Variants in FER observed in about 807,000 individuals in gnomAD.
FER encodes the protein tyrosine-protein kinase Fer.
FER carries 63 observed loss-of-function variants against 111.0 expected under a neutral mutation model. The ratio of observed to expected loss-of-function variants is 0.57; its 90% CI spans 0.46 to 0.70. FER has a LOEUF of 0.70. Ranked by LOEUF, FER falls within the 30% of genes least tolerant of loss-of-function variation. The pLI is 0.00. For synonymous variants in FER, 327 were observed against 313.9 expected (o/e 1.04, Z -0.44); for missense variants, 914 against 954.0 (o/e 0.96, Z 0.55).
At chr5:109,058,111 A>G (rs939501969) in intron 16 of FER, among the ~76,000 whole-genome samples, 2 of 152,202 alleles carry the variant, frequency 1.3e-5, no homozygotes, top group South Asian at 4.1e-4. Context: ...AAATTATATG[A>G]TTATTTAAAT....
At chr5:108,972,478 G>C (rs1760791317) in intron 13 of FER, among the ~76,000 whole-genome samples, 4 of 152,074 alleles carry the variant, frequency 2.6e-5, no homozygotes, top group Admixed American at 6.6e-5. Context: ...TACTCATAAA[G>C]CATCTCATAA....
chr5:109,097,330 T>C (rs1291688990), intron 16 of FER, among the ~76,000 whole-genome samples: 2 of 151,932 alleles, frequency 1.3e-5, no homozygotes, highest in Non-Finnish European at 2.9e-5. Flanking sequence ...AAATAACCTA[T>C]CCCATTTTGG....
At chr5:108,906,511 C>T (rs1000008741) in intron 10 of FER, among the ~76,000 whole-genome samples, 3 of 146,856 alleles carry the variant, frequency 2.0e-5, no homozygotes, top group Admixed American at 1.3e-4. Context: ...TTATAATAGC[C>T]CTTTTATGAC....
chr5:108,771,852 A>G (rs1351106796), intron 2 of FER, among the ~76,000 whole-genome samples: 1 of 152,238 alleles, frequency 6.6e-6, no homozygotes, highest in African/African-American at 2.4e-5. Context: ...TCACAGTACC[A>G]ATATCATATA....
chr5:109,066,860 A>G (rs769823430), intron 16 of FER, among the ~76,000 whole-genome samples: 5 of 152,250 alleles, frequency 3.3e-5, no homozygotes, highest in East Asian at 1.9e-4. Flanking sequence ...TATGTTTAAC[A>G]ATAATCACAA....
At chr5:108,981,851 T>C (rs781526322) in intron 13 of FER, among the ~76,000 whole-genome samples, 4 of 152,126 alleles carry the variant, frequency 2.6e-5, no homozygotes, top group Non-Finnish European at 5.9e-5. Flanking sequence ...CATTATGCCA[T>C]GCTGCCTCTC....
chr5:108,897,558 C>A, intron 9 of FER, 101 bp from the exon 10 acceptor site: 1 of 859,042 alleles, frequency 1.2e-6, no homozygotes, highest in Non-Finnish European at 1.6e-6. Flanking sequence ...CTAAAGGGCT[C>A]TTATAAAAAT....
At position 108,798,283 on chromosome 5, in the gene FER, T is replaced by G. The variant is rs1474534788; in HGVS notation, c.101T>G (p.Leu34Arg). 6.2e-7 allele frequency: 1 copy of G among 1,613,850 alleles called. No homozygotes were observed. Among genetic ancestry groups the G allele is most frequent in the African/African-American group, 1.3e-5 (1 of 74,898 alleles). The change falls in exon 3 of 20, where the codon CTG becomes CGG. Residue 34 changes from leucine (L) to arginine (R), a missense_variant. Leu to Arg is a moderately radical substitution (Grantham distance 102). This residue lies in a region of FER where 774 missense variants were observed against 782.6 expected (regional missense o/e 0.99). Coordinates refer to ENST00000281092, the MANE Select transcript of FER (RefSeq NM_005246.4). ...GAAACAGTAAAGAAATTTATGGCCCTGAGAATAAAAAGTGATAAAGAATAT... is the reference window on the plus strand; with the variant it reads ...GAAACAGTAAAGAAATTTATGGCCCGGAGAATAAAAAGTGATAAAGAATAT... The part of the protein sequence containing the change: ...LLETVKKFMA[L>R]RIKSDKEYAS...
At chr5:108,987,794 T>A (rs1449808937) in intron 13 of FER, among the ~76,000 whole-genome samples, 1 of 151,972 alleles carries the variant, frequency 6.6e-6, no homozygotes, top group Non-Finnish European at 1.5e-5. Context: ...TTTTTTTCTC[T>A]TGTCTGATTG....
At chr5:109,104,410 C>T (rs1748629682) in intron 17 of FER, among the ~76,000 whole-genome samples, 1 of 152,154 alleles carries the variant, frequency 6.6e-6, no homozygotes, top group African/African-American at 2.4e-5. Context: ...GTGATAAAAT[C>T]TACAGAATTC....
chr5:108,863,160 C>T (rs1046480574), intron 5 of FER, among the ~76,000 whole-genome samples: 3 of 152,032 alleles, frequency 2.0e-5, no homozygotes, highest in African/African-American at 7.2e-5. Context: ...AGCTCTGTTG[C>T]CCAGGCTGGA....
At chr5:109,170,021 A>C (rs756201022) in intron 17 of FER, among the ~76,000 whole-genome samples, 3 of 152,148 alleles carry the variant, frequency 2.0e-5, no homozygotes, top group Non-Finnish European at 2.9e-5. Context: ...AGACTATAAA[A>C]ATTTAAATGT....
intron 4 of FER, among the ~76,000 whole-genome samples, chr5:108,834,216 G>A (rs1358639869): frequency 2.0e-5 from 3 of 151,982 alleles, no homozygotes; most frequent in African/African-American, 7.3e-5. Flanking sequence ...AATTTTTTCT[G>A]TAAATTGGAA....
intron 2 of FER, among the ~76,000 whole-genome samples, chr5:108,776,336 CA>C (rs1423229934): frequency 6.6e-6 from 1 of 152,018 alleles, no homozygotes; most frequent in Admixed American, 6.6e-5. Context: ...TGAATATTTT[CA>C]ACCATAAAAC....
chr5:108,882,597 G>A (rs537400642), intron 8 of FER, among the ~76,000 whole-genome samples: 2 of 151,708 alleles, frequency 1.3e-5, no homozygotes, highest in Admixed American at 6.6e-5. Context: ...TGCGCTGCAG[G>A]TATTTCTTCA....
intron 17 of FER, among the ~76,000 whole-genome samples, chr5:109,134,287 G>A (rs1333301617): frequency 6.6e-6 from 1 of 151,924 alleles, no homozygotes; most frequent in Non-Finnish European, 1.5e-5. Flanking sequence ...CACAGAACAG[G>A]AAATATCCCA....
In FER at chr5:109,099,546, T is replaced by A. The variant is rs150370493; in HGVS notation, c.1925-850T>A. Among the ~76,000 whole-genome samples the A allele has an allele frequency of 1.2e-3, 186 of 151,622 alleles. 1 individual carries two copies. Among genetic ancestry groups the A allele is most frequent in the African/African-American group, 3.9e-3 (162 of 41,492 alleles). On this transcript the variant is annotated intron_variant, in intron 16 of 19. Transcript: ENST00000281092. ...AGATGTATCATAAATGTAGAGTAAA[T>A]ATATTTCAAAGAGTGTGATTTTAAA...
At position 109,195,117 on chromosome 5, in the gene FER, A is replaced by T. The variant is rs1759649390; in HGVS notation, c.*7542A>T. 6.6e-6 allele frequency: 1 copy of T among 152,194 alleles called. No homozygotes were observed. Among genetic ancestry groups the T allele is most frequent in the Non-Finnish European group, 1.5e-5 (1 of 68,028 alleles). The allele number at this position is 152,194 out of a possible 1,614,324, so 9.4% of individuals were successfully genotyped here. On this transcript the variant is annotated 3_prime_UTR_variant, in exon 20 of 20. Transcript: ENST00000281092. ...GAATTTCCCTTTTACAAATAATTTG[A>T]CCTGGTAGAAATAAACTTGCCTGCC...
intron 3 of FER, among the ~76,000 whole-genome samples, chr5:108,803,519 G>T (rs1580628454): frequency 1.3e-5 from 2 of 152,280 alleles, no homozygotes; most frequent in South Asian, 4.1e-4. Flanking sequence ...CATGGTGAAA[G>T]GTAGGGGACA....
Sources: allele counts gnomAD v4.1 joint callset (sites outside exome capture counted in the v4.1 genomes callset), GRCh38; gene constraint gnomAD v4.1.1; regional missense constraint gnomAD v4.1.1; transcripts MANE v1.5; gene names NCBI Gene and HGNC (gene_info 2026-07-23, HGNC 2026-07-21).